Variants in ATP10B observed in about 807,000 individuals in gnomAD.
The protein encoded by ATP10B is ATPase phospholipid transporting 10B (putative).
A neutral mutation model predicts 141.2 loss-of-function variants in ATP10B; 122 were observed. The ratio of observed to expected loss-of-function variants is 0.86; its 90% CI spans 0.75 to 1.00. The LOEUF (loss-of-function observed/expected upper bound fraction) is 1.00. Among genes scored for constraint, ATP10B ranks in the 50% least tolerant of loss-of-function variants. ATP10B has a pLI of 0.00. For missense variants in ATP10B, 1,876 were observed against 1,825.3 expected (o/e 1.03, Z -0.51); for synonymous variants, 685 against 692.0 (o/e 0.99, Z 0.16).
intron 1 of ATP10B, among the ~76,000 whole-genome samples, chr5:160,815,476 C>T (rs565090587): frequency 6.6e-6 from 1 of 152,286 alleles, no homozygotes; most frequent in Admixed American, 6.5e-5. Flanking sequence ...CAGGAGCACC[C>T]AGATTCATAA....
chr5:160,807,642 A>C (rs115787232), intron 1 of ATP10B, among the ~76,000 whole-genome samples: 1 of 152,296 alleles, frequency 6.6e-6, no homozygotes, highest in African/African-American at 2.4e-5. Context: ...GGAAGGATGG[A>C]CCTCCATAGT....
chr5:160,612,308 A>G (rs1237739394), intron 18 of ATP10B: 1 of 153,162 alleles, frequency 6.5e-6, no homozygotes, highest in Non-Finnish European at 1.5e-5. Context: ...AGAAACCGAC[A>G]GTTGAGTTTC....
At chr5:160,581,110 A>C (rs1008733370) in intron 24 of ATP10B, among the ~76,000 whole-genome samples, 2 of 152,058 alleles carry the variant, frequency 1.3e-5, no homozygotes, top group Admixed American at 1.3e-4. Context: ...GGATTCATTG[A>C]TTTTTTGTTT....
the ATP10B span, among the ~76,000 whole-genome samples, chr5:160,907,877 A>G: frequency 6.6e-6 from 1 of 152,150 alleles, no homozygotes; most frequent in African/African-American, 2.4e-5. Flanking sequence ...AGTGATGGTG[A>G]CATGTCCCAC....
chr5:160,576,649 A>C (rs1755207379), intron 24 of ATP10B, among the ~76,000 whole-genome samples: 1 of 152,246 alleles, frequency 6.6e-6, no homozygotes. Context: ...TGGAGGAGAC[A>C]ACATTTGAGA....
chr5:160,766,337 AACACACACACACACACACACACACAC>A (rs58890049), intron 2 of ATP10B, among the ~76,000 whole-genome samples: 1 of 140,296 alleles, frequency 7.1e-6, no homozygotes, highest in South Asian at 2.3e-4. Flanking sequence ...GGATAAAGAG[AACACACACACACACACACACACACAC>A]ACACACACAC....
chr5:160,693,179 G>T (rs775325684), intron 3 of ATP10B, among the ~76,000 whole-genome samples: 1 of 151,846 alleles, frequency 6.6e-6, no homozygotes, highest in African/African-American at 2.4e-5. Context: ...CATAATTCTC[G>T]GTTGAATCCT....
intron 1 of ATP10B, among the ~76,000 whole-genome samples, chr5:160,816,477 CAAT>C (rs1209039857): frequency 6.6e-6 from 1 of 151,926 alleles, no homozygotes; most frequent in Non-Finnish European, 1.5e-5. Context: ...CTGAATAGAC[CAAT>C]AACAGGATCT....
intron 6 of ATP10B, among the ~76,000 whole-genome samples, chr5:160,674,792 AT>A: frequency 6.6e-6 from 1 of 152,282 alleles, no homozygotes; most frequent in East Asian, 1.9e-4. Context: ...TAGGGGAAAC[AT>A]AGTTCAGTAG....
chr5:160,691,258 T>C (rs1333879459), intron 3 of ATP10B, among the ~76,000 whole-genome samples: 1 of 152,096 alleles, frequency 6.6e-6, no homozygotes, highest in East Asian at 1.9e-4. Context: ...CTAATATAGA[T>C]GACGGGTTGA....
Position 160,636,213 on chromosome 5 carries a change from T to C in ATP10B, c.1097A>G (p.Tyr366Cys). 6 of 1,613,146 alleles carry C rather than the reference T, an allele frequency of 3.7e-6. No homozygotes were observed. The highest frequency in any genetic ancestry group is 4.2e-6 in the Non-Finnish European group (5 of 1,179,534). ...CAGGATGATCATTGTGAGGAACATG[T>C]AGAAGCCCCCAAGGGCACTGGGAAG... ...SFLPSALGGFYMFLTMIILLQ... is the reference protein window; with the variant it reads ...SFLPSALGGFCMFLTMIILLQ... Residue 366 changes from tyrosine (Y) to cysteine (C), a missense_variant, in exon 11 of 26, where the codon TAC becomes TGC. Tyr to Cys is a radical substitution (Grantham distance 194). Coordinates refer to ENST00000327245, the MANE Select transcript of ATP10B (RefSeq NM_025153.3).
chr5:160,593,964 G>T (rs956164931), intron 22 of ATP10B, among the ~76,000 whole-genome samples: 3 of 152,252 alleles, frequency 2.0e-5, no homozygotes, highest in Non-Finnish European at 4.4e-5. Context: ...AAAACACTCT[G>T]CAGGATATTA....
rs541424743 is a variant in ATP10B at position 160,716,825 on chromosome 5, A to G, written c.-205+84T>C. 4.2e-4 allele frequency: 379 copies of G among 894,528 alleles called. 1 individual carries two copies. Among genetic ancestry groups the G allele is most frequent in the Admixed American group, 1.0e-3 (17 of 16,198 alleles). The allele number at this position is 894,528 out of a possible 1,614,324, so 55.4% of individuals were successfully genotyped here. ...CATCATCAAGGTGGTGTCATGAACC[A>G]AAGGACTATTGGAGCTACATCCACC... On this transcript the variant is annotated intron_variant, in intron 3 of 25. Transcript: ENST00000327245.
At chr5:160,783,539 A>G (rs1298680830) in intron 2 of ATP10B, among the ~76,000 whole-genome samples, 2 of 132,514 alleles carry the variant, frequency 1.5e-5, no homozygotes, top group African/African-American at 2.8e-5. Context: ...TATATGGTTG[A>G]TATATATATC....
intron 2 of ATP10B, among the ~76,000 whole-genome samples, chr5:160,729,011 C>T (rs1766553680): frequency 1.3e-5 from 2 of 152,184 alleles, no homozygotes; most frequent in Admixed American, 1.3e-4. Context: ...CTCCCTGATC[C>T]TTGTCTCAGC....
chr5:160,736,275 G>A (rs1178847632), intron 2 of ATP10B, among the ~76,000 whole-genome samples: 1 of 152,124 alleles, frequency 6.6e-6, no homozygotes, highest in Non-Finnish European at 1.5e-5. Flanking sequence ...AAATGAAAAA[G>A]GAGACATTAC....
the ATP10B span, among the ~76,000 whole-genome samples, chr5:160,879,449 G>A: frequency 1.4e-5 from 2 of 139,484 alleles, no homozygotes; most frequent in Non-Finnish European, 3.1e-5. Flanking sequence ...TGACGAGTTA[G>A]TGGGTGCAGC....
chr5:160,667,431 G>A (rs1361885454), intron 7 of ATP10B, among the ~76,000 whole-genome samples: 1 of 152,034 alleles, frequency 6.6e-6, no homozygotes, highest in Non-Finnish European at 1.5e-5. Flanking sequence ...ATCATGCAAA[G>A]CCCTTAGTAT....
the ATP10B span, among the ~76,000 whole-genome samples, chr5:160,905,520 A>T: frequency 2.0e-5 from 3 of 152,230 alleles, no homozygotes; most frequent in African/African-American, 7.2e-5. Context: ...TGTGACTCAT[A>T]GCTCTACCAC....
Sources: gnomAD v4.1 joint callset for allele counts (sites outside exome capture counted in the v4.1 genomes callset) on GRCh38, gnomAD v4.1.1 for gene constraint, MANE v1.5 for transcripts, NCBI Gene and HGNC (gene_info 2026-07-23, HGNC 2026-07-21) for gene names.